The following PAPPA variants were observed in gnomAD, a reference collection of about 807,000 sequenced individuals.
The protein encoded by PAPPA is pappalysin 1.
PAPPA carries 60 observed loss-of-function variants against 164.0 expected under a neutral mutation model. The ratio of observed to expected loss-of-function variants is 0.37; its 90% confidence interval spans 0.30 to 0.45. PAPPA has a LOEUF of 0.45. Among genes scored for constraint, PAPPA ranks in the 20% least tolerant of loss-of-function variants. The pLI, the probability that PAPPA is intolerant of heterozygous loss-of-function variation, is 1.00. For synonymous variants in PAPPA, 875 were observed against 814.1 expected, an observed-to-expected ratio of 1.07 and a Z score of -1.27; for missense variants, 1,782 against 2,087.3, an observed-to-expected ratio of 0.85 and a Z score of 2.85.
intron 21 of PAPPA, 149 bp from the exon 22 acceptor site, chr9:116,396,360 G>C (rs1222074168): frequency 1.5e-5 from 10 of 678,428 alleles, no homozygotes; most frequent in Non-Finnish European, 2.6e-5. Flanking sequence ...CTCGATAAAA[G>C]TTATCACCAG....
At chr9:116,196,953 A>G (rs1193920288) in intron 2 of PAPPA, among the ~76,000 whole-genome samples, 2 of 152,194 alleles carry the variant, frequency 1.3e-5, no homozygotes, top group Admixed American at 1.3e-4. Flanking sequence ...GGCAATGATG[A>G]TTATAACTCC....
chr9:116,390,799 A>AAACTT (rs1846881283), intron 21 of PAPPA, among the ~76,000 whole-genome samples: 1 of 152,116 alleles, frequency 6.6e-6, no homozygotes, highest in Non-Finnish European at 1.5e-5. Context: ...TCTATCCCAA[A>AAACTT]AACTTATCAG....
chr9:116,169,478 C>T (rs533787989), intron 1 of PAPPA, among the ~76,000 whole-genome samples: 97 of 151,578 alleles, frequency 6.4e-4, no homozygotes, highest in African/African-American at 2.2e-3. Flanking sequence ...TGCCACCACG[C>T]CCAGCTAATT....
At chr9:116,272,290 C>A (rs868771374) in intron 9 of PAPPA, among the ~76,000 whole-genome samples, 2 of 152,166 alleles carry the variant, frequency 1.3e-5, no homozygotes, top group South Asian at 4.1e-4. Context: ...GAAAACTAAT[C>A]ACAATTCATT....
chr9:116,160,761 G>A (rs1843656887), intron 1 of PAPPA, among the ~76,000 whole-genome samples: 1 of 152,216 alleles, frequency 6.6e-6, no homozygotes, highest in Non-Finnish European at 1.5e-5. Context: ...ACTGCAGTAA[G>A]AGCTCTGCTT....
At chr9:116,373,266 T>C (rs1225757002) in intron 19 of PAPPA, 1 of 152,046 alleles carries the variant, frequency 6.6e-6, no homozygotes, top group African/African-American at 2.4e-5. Context: ...TGATTGTCCA[T>C]TTGTTCATTT....
At chr9:116,328,884 C>A (rs1213625323) in intron 10 of PAPPA, among the ~76,000 whole-genome samples, 1 of 152,154 alleles carries the variant, frequency 6.6e-6, no homozygotes, top group Non-Finnish European at 1.5e-5. Context: ...AAATTGCACA[C>A]CACATTTTGG....
chr9:116,347,661 C>T lies in PAPPA; in HGVS notation c.3964+452C>T, dbSNP rs921257109. On this transcript the variant is annotated intron_variant, in intron 15 of 21. Transcript: ENST00000328252. This position sits in a 1 kb window ranked among gnomAD's most constrained non-coding sequence, Gnocchi z 4.5. The stretch of plus-strand genomic sequence containing the variant: ...TTAAAGAACTTGCCCAAGGCTGCAC[C>T]ATCAGTGGTGGGGACCATATTGAAA... Among the ~76,000 whole-genome samples, 2 of 152,162 alleles carry T rather than the reference C, an allele frequency of 1.3e-5. No individual in the cohort carries two copies. Among genetic ancestry groups the T allele is most frequent in the Non-Finnish European group, 1.5e-5 (1 of 68,030 alleles).
At chr9:116,326,525 C>G (rs1845922253) in intron 10 of PAPPA, among the ~76,000 whole-genome samples, 1 of 152,166 alleles carries the variant, frequency 6.6e-6, no homozygotes, top group African/African-American at 2.4e-5. Context: ...GCCAGTGGAT[C>G]AACATTGAAT....
intron 8 of PAPPA, among the ~76,000 whole-genome samples, chr9:116,270,145 C>T (rs1845120148): frequency 6.6e-6 from 1 of 152,182 alleles, no homozygotes; most frequent in Admixed American, 6.5e-5. Flanking sequence ...CAGAGACCTC[C>T]CAACGCAAAG....
chr9:116,276,531 C>T (rs1009948119), intron 9 of PAPPA, among the ~76,000 whole-genome samples: 1 of 151,912 alleles, frequency 6.6e-6, no homozygotes, highest in Non-Finnish European at 1.5e-5. Context: ...GACTGAGACT[C>T]TAAAGCTTCT....
intron 2 of PAPPA, among the ~76,000 whole-genome samples, chr9:116,206,249 A>T (rs1844234096): frequency 6.6e-6 from 1 of 152,110 alleles, no homozygotes; most frequent in Admixed American, 6.5e-5. Flanking sequence ...TCTCCAACTC[A>T]TGTTTTTTGT....
intron 10 of PAPPA, among the ~76,000 whole-genome samples, chr9:116,320,873 A>G (rs1474469222): frequency 6.6e-6 from 1 of 152,098 alleles, no homozygotes; most frequent in African/African-American, 2.4e-5. Context: ...GCAGGGATAG[A>G]AGTAGGAATG....
intron 19 of PAPPA, among the ~76,000 whole-genome samples, chr9:116,369,565 G>A (rs1173584603): frequency 6.6e-6 from 1 of 152,084 alleles, no homozygotes; most frequent in African/African-American, 2.4e-5. Context: ...AACAGACACA[G>A]GAGACCTCCC....
chr9:116,339,013 A>C (rs1461722007), intron 13 of PAPPA, among the ~76,000 whole-genome samples: 1 of 152,200 alleles, frequency 6.6e-6, no homozygotes, highest in Non-Finnish European at 1.5e-5. Flanking sequence ...TAAGCAAGAC[A>C]AGTGACTCGC....
intron 1 of PAPPA, among the ~76,000 whole-genome samples, chr9:116,185,263 A>G (rs1843956499): frequency 6.6e-6 from 1 of 152,190 alleles, no homozygotes; most frequent in Non-Finnish European, 1.5e-5. Flanking sequence ...GAGCAGGATG[A>G]CTTTGTAAGG....
chr9:116,263,812 GGA>G (rs1845031998), intron 7 of PAPPA, among the ~76,000 whole-genome samples: 1 of 152,150 alleles, frequency 6.6e-6, no homozygotes, highest in Non-Finnish European at 1.5e-5. Flanking sequence ...AGGACAAAGT[GGA>G]GAGAGGAGCA....
chr9:116,398,048 G>A lies in PAPPA; in HGVS notation c.*1432G>A, dbSNP rs1046934737. ...GTTTTCTATATGGTTTTTCCAGCTA[G>A]CAGTACTCCCTTCCATACCTGTGAC... is the stretch of plus-strand genomic sequence containing the variant. On this transcript the variant is annotated 3_prime_UTR_variant, in exon 22 of 22. Transcript: ENST00000328252. 6.5e-6 allele frequency: 1 copy of A among 152,792 alleles called. No homozygotes were observed. The highest frequency in any genetic ancestry group is 1.5e-5 in the Non-Finnish European group (1 of 68,562). The allele number at this position is 152,792 out of a possible 1,614,324, so 9.5% of individuals were successfully genotyped here. A position where few individuals can be genotyped will look rare whatever the true frequency, so the allele number is the denominator to read the frequency against.
chr9:116,284,306 G>T (rs1350268510), intron 9 of PAPPA, among the ~76,000 whole-genome samples: 1 of 152,152 alleles, frequency 6.6e-6, no homozygotes, highest in African/African-American at 2.4e-5. Context: ...TGTTCAAACA[G>T]ACATATTTCA....
Sources: gnomAD v4.1 joint callset for allele counts (sites outside exome capture counted in the v4.1 genomes callset) on GRCh38, gnomAD v4.1.1 for gene constraint, Gnocchi (gnomAD v3.1) non-coding constraint, MANE v1.5 for transcripts, NCBI Gene and HGNC (gene_info 2026-07-23, HGNC 2026-07-21) for gene names.